KIF24: variants seen among roughly 807,000 people sequenced by gnomAD.
The protein encoded by KIF24 is kinesin-like protein KIF24.
In KIF24, 81 loss-of-function variants were observed where a neutral mutation model predicts 118.9. The observed-to-expected ratio is 0.68, with a 90% CI of 0.57 to 0.82. KIF24 has a LOEUF of 0.82. Among genes scored for constraint, KIF24 ranks in the 40% least tolerant of loss-of-function variants. The probability of loss-of-function intolerance (pLI) is 0.00; values close to 1 mark genes in which losing one functional copy is unlikely to be tolerated. For synonymous variants in KIF24, 599 were observed against 610.0 expected, an observed-to-expected ratio of 0.98 and a Z score of 0.27; for missense variants, 1,560 against 1,661.6, an observed-to-expected ratio of 0.94 and a Z score of 1.06.
At chr9:34,262,297 C>A (rs1256387222) in intron 9 of KIF24, among the ~76,000 whole-genome samples, 1 of 152,018 alleles carries the variant, frequency 6.6e-6, no homozygotes, top group Non-Finnish European at 1.5e-5. Flanking sequence ...CCCCAAGGAA[C>A]CCCTGCCACC....
intron 1 of KIF24, among the ~76,000 whole-genome samples, chr9:34,314,975 C>CA (rs1204012640): frequency 6.6e-6 from 1 of 152,014 alleles, no homozygotes; most frequent in Admixed American, 6.6e-5. Context: ...GCTTATCAGA[C>CA]AAAAAACGTC....
At chr9:34,319,117 C>T (rs1837429986) in intron 1 of KIF24, 2 of 1,448,808 alleles carry the variant, frequency 1.4e-6, no homozygotes, top group South Asian at 1.1e-5. Context: ...TGGTGATGCA[C>T]CAGACAGGCC....
At chr9:34,319,577 G>A in intron 1 of KIF24, 3 of 1,052,912 alleles carry the variant, frequency 2.8e-6, no homozygotes, top group Non-Finnish European at 4.4e-6. Flanking sequence ...TCCTGGTGTG[G>A]GACACCCAGA....
intron 1 of KIF24, among the ~76,000 whole-genome samples, chr9:34,312,443 A>G (rs1336002195): frequency 6.6e-6 from 1 of 152,190 alleles, no homozygotes; most frequent in African/African-American, 2.4e-5. Flanking sequence ...AATACAGTAC[A>G]TTTTCTTTTT....
chr9:34,297,068 T>C lies in KIF24; in HGVS notation c.860A>G (p.Gln287Arg), dbSNP rs2131774768. Reference protein sequence around the residue: ...DEVFGEACTNQDVYMKTTHPL... With the variant: ...DEVFGEACTNRDVYMKTTHPL... ...GTGAGTAGTCTTCATGTATACATCC[T>C]GATTGGTGCACGCCTCACCAAAGAC... Residue 287 changes from glutamine (Q) to arginine (R), a missense_variant, in exon 4 of 13, where the codon CAG (glutamine) becomes CGG (arginine). Transcript: ENST00000402558. The C allele has an allele frequency of 6.3e-7, 1 of 1,598,930 alleles. No homozygotes were observed.
rs569543560 is a variant in KIF24 at position 34,256,483 on chromosome 9, C to T, written c.3124G>A (p.Ala1042Thr). ...EDPRGQLGTH[A>T]EYASGLMSPL... is the part of the protein sequence containing the mutation. ...GACATGAGTCCAGAAGCATATTCAGCATGCGTGCCTAACTGCCCCCTAGGA... is the reference window on the plus strand; with the variant it reads ...GACATGAGTCCAGAAGCATATTCAGTATGCGTGCCTAACTGCCCCCTAGGA... Residue 1042 changes from alanine to threonine, a missense_variant, in exon 11 of 13, where the codon GCT (alanine) becomes ACT (threonine). Transcript: ENST00000402558. 27 of 1,613,830 alleles carry T rather than the reference C, an allele frequency of 1.7e-5. 1 individual carries two copies. The African/African-American group carries it at 2.0e-4, about 12-fold the overall frequency.
chr9:34,260,742 G>C (rs866618140), intron 9 of KIF24, among the ~76,000 whole-genome samples: 1 of 152,136 alleles, frequency 6.6e-6, no homozygotes, highest in Non-Finnish European at 1.5e-5. Context: ...AGGCCAAGGC[G>C]GGCAGATCAC....
At chr9:34,325,147 G>A (rs933436335) in intron 1 of KIF24, among the ~76,000 whole-genome samples, 1 of 151,754 alleles carries the variant, frequency 6.6e-6, no homozygotes, top group Non-Finnish European at 1.5e-5. Flanking sequence ...AGACCAGCCT[G>A]GGCAACATAT....
In KIF24 at chr9:34,311,004, C is replaced by T. The variant is rs1837117259; in HGVS notation, c.343G>A (p.Gly115Arg). 3.1e-6 allele frequency: 5 copies of T among 1,613,838 alleles called. No individual in the cohort carries two copies. In the African/African-American group the frequency reaches 5.3e-5, roughly 17 times the overall value. The change falls in exon 2 of 13, where the codon GGG (glycine) becomes AGG (arginine). Residue 115 changes from glycine (G) to arginine (R), a missense_variant. Around this residue, in one of 3 missense-constraint regions of KIF24, gnomAD observed 964 missense variants for 988.0 expected, o/e 0.98. Coordinates refer to ENST00000402558, the MANE Select transcript of KIF24 (RefSeq NM_194313.4). ...TCTGATAAACTGCACATTTCAAACC[C>T]ATCATTGCTGGCATTTCTGTCTTTA... is the stretch of plus-strand genomic sequence containing the variant. ...DNKDRNASND[G>R]FEMCSLSDFS...
intron 6 of KIF24, among the ~76,000 whole-genome samples, chr9:34,280,593 A>G (rs560313775): frequency 6.6e-6 from 1 of 152,274 alleles, no homozygotes; most frequent in East Asian, 1.9e-4. Context: ...AGCTCTGGGG[A>G]GAATGGTCAC....
intron 4 of KIF24, among the ~76,000 whole-genome samples, chr9:34,291,339 T>A (rs1041573025): frequency 6.6e-6 from 1 of 152,076 alleles, no homozygotes. Flanking sequence ...CACCAAATCT[T>A]GAGGGGAAAA....
Position 34,310,886 on chromosome 9 carries a change from A to T in KIF24, c.461T>A (p.Leu154Gln), listed in dbSNP as rs1208711367. The T allele has an allele frequency of 6.2e-7, 1 of 1,613,920 alleles. No homozygotes were observed. The highest frequency in any genetic ancestry group is 8.5e-7 in the Non-Finnish European group (1 of 1,179,886). The part of the protein sequence containing the change: ...DSQYHTKTGI[L>Q]NATAGDSYVQ... ...ATAGGAATCACCAGCTGTGGCATTCAGAATTCCTGTTTTTGTATGGTACTG... is the reference window on the plus strand; with the variant it reads ...ATAGGAATCACCAGCTGTGGCATTCTGAATTCCTGTTTTTGTATGGTACTG... The change falls in exon 2 of 13, where the codon CTG becomes CAG. Residue 154 changes from leucine (L) to glutamine (Q), a missense_variant. Transcript: ENST00000402558.
At position 34,257,932 on chromosome 9, in the gene KIF24, G is replaced by A. The variant is rs779069929; in HGVS notation, c.1675C>T (p.Arg559Ter). The stretch of plus-strand genomic sequence containing the variant: ...GAGGAGTTTCCAGATGTCCGATTTC[G>A]ACTGGTAACTGAAGTGCAACACTTA... ...GIKCCTSVTS[R>*]NRTSGNSSPK... The change falls in exon 11 of 13, where the codon CGA (arginine) becomes TGA (stop). Residue 559 changes from arginine to a stop codon, truncating the protein, a stop_gained. Coordinates refer to ENST00000402558, the MANE Select transcript of KIF24 (RefSeq NM_194313.4). LOFTEE classifies it high-confidence loss of function. 4.8e-5 allele frequency: 77 copies of A among 1,613,662 alleles called. No individual in the cohort carries two copies. Among genetic ancestry groups the A allele is most frequent in the Non-Finnish European group, 3.9e-5 (46 of 1,179,774 alleles).
chr9:34,319,610 G>A (rs1409490581), intron 1 of KIF24: 1 of 913,536 alleles, frequency 1.1e-6, no homozygotes, highest in South Asian at 1.3e-5. Context: ...TGTTCACTGG[G>A]CACCTGGTCC....
At chr9:34,299,706 T>C (rs1284231959) in intron 3 of KIF24, among the ~76,000 whole-genome samples, 1 of 152,012 alleles carries the variant, frequency 6.6e-6, no homozygotes, top group Non-Finnish European at 1.5e-5. Flanking sequence ...TATTTCAAAA[T>C]AGGTGAATCT....
Position 34,257,731 on chromosome 9 carries a change from C to T in KIF24, c.1876G>A (p.Val626Ile). The change falls in exon 11 of 13, where the codon GTC (valine) becomes ATC (isoleucine). Residue 626 changes from valine to isoleucine, a missense_variant. Transcript: ENST00000402558. ...PNIPFTSAPK[V>I]SGKRGGSRGS... ...CTGGAGCCACCCCTTTTACCAGAGA[C>T]CTTAGGTGCAGAAGTAAAAGGAATG... is the stretch of plus-strand genomic sequence containing the variant. 2 of 1,614,024 alleles carry T rather than the reference C, an allele frequency of 1.2e-6. No individual in the cohort carries two copies. The highest frequency in any genetic ancestry group is 1.7e-6 in the Non-Finnish European group (2 of 1,179,896).
chr9:34,271,260 C>CAA (rs1381164544), intron 7 of KIF24, among the ~76,000 whole-genome samples: 1 of 144,946 alleles, frequency 6.9e-6, no homozygotes, highest in Admixed American at 7.0e-5. Flanking sequence ...TAAATGACCA[C>CAA]AATGCTAATC....
chr9:34,265,856 A>AT (rs1835265939), intron 8 of KIF24, among the ~76,000 whole-genome samples: 2 of 152,066 alleles, frequency 1.3e-5, no homozygotes, highest in Admixed American at 1.3e-4. Context: ...AATTTTATTT[A>AT]TTTTTTTAAT....
chr9:34,286,829 C>T (rs911295728), intron 5 of KIF24, 125 bp from the exon 6 acceptor site: 38 of 674,680 alleles, frequency 5.6e-5, no homozygotes, highest in Non-Finnish European at 8.7e-5. Flanking sequence ...GGGATGGATG[C>T]TTATCCTCCT....
Sources: allele counts gnomAD v4.1 joint callset (sites outside exome capture counted in the v4.1 genomes callset), GRCh38; gene constraint gnomAD v4.1.1; regional missense constraint gnomAD v4.1.1; transcripts MANE v1.5; gene names NCBI Gene and HGNC (gene_info 2026-07-23, HGNC 2026-07-21).